Variants in LRP1 observed in about 807,000 individuals in gnomAD.
The protein encoded by LRP1 is prolow-density lipoprotein receptor-related protein 1.
LRP1 carries 51 observed loss-of-function variants against 541.5 expected under a neutral mutation model. That is an observed-to-expected ratio of 0.09 (90% CI 0.08 to 0.12). The LOEUF (loss-of-function observed/expected upper bound fraction) is 0.12, where lower values mean the gene tolerates loss of function less well. Among genes scored for constraint, LRP1 ranks in the 10% least tolerant of loss-of-function variants. The pLI is 1.00. For synonymous variants in LRP1, 2,219 were observed against 2,470.8 expected (o/e 0.90, Z 3.02); for missense variants, 3,878 against 6,376.2 (o/e 0.61, Z 13.34).
rs977182687 is a variant in LRP1, at chr12:57,160,793, C to G, written c.1980-100C>G. On this transcript the variant is annotated intron_variant, in intron 12 of 88. Transcript: ENST00000243077. ...CCAGTGATGAGCAGGACAGGAGACCCCTGTGAGGAGCTCTGGGACAGCACT... is the reference window on the plus strand; with the variant it reads ...CCAGTGATGAGCAGGACAGGAGACCGCTGTGAGGAGCTCTGGGACAGCACT... 3.7e-6 allele frequency: 3 copies of G among 817,146 alleles called. No homozygotes were observed. The African/African-American group carries it at 5.0e-5, about 14-fold the overall frequency. The allele number at this position is 817,146 out of a possible 1,614,324, so 50.6% of individuals were successfully genotyped here. A position where few individuals can be genotyped will look rare whatever the true frequency, so the allele number is the denominator to read the frequency against.
rs1592656592 is a variant in LRP1 at position 57,200,472 on chromosome 12, T to C, written c.10045T>C (p.Phe3349Leu). 1 of 1,419,066 alleles carries C rather than the reference T, an allele frequency of 7.0e-7. No individual in the cohort carries two copies. The highest frequency in any genetic ancestry group is 9.4e-7 in the Non-Finnish European group (1 of 1,063,696). 87.9% of individuals were successfully genotyped at this position (1,419,066 alleles called of 1,614,324 possible). A position where few individuals can be genotyped will look rare whatever the true frequency, so the allele number is the denominator to read the frequency against. Residue 3349 changes from phenylalanine (F) to leucine (L), a missense_variant, in exon 63 of 89, where the codon TTC becomes CTC. Phe to Leu is a conservative substitution (Grantham distance 22, BLOSUM62 0). This residue lies in a region of LRP1 where 278 missense variants were observed against 536.3 expected (regional missense o/e 0.52). Coordinates refer to ENST00000243077, the MANE Select transcript of LRP1 (RefSeq NM_002332.3). ...ATGCAAGAACGACAAGTGCATCCCCTTCTGGTGGAAGTGTGACACCGAGGA... is the reference window on the plus strand; with the variant it reads ...ATGCAAGAACGACAAGTGCATCCCCCTCTGGTGGAAGTGTGACACCGAGGA... ...FVCKNDKCIP[F>L]WWKCDTEDDC... is the part of the protein sequence containing the mutation.
chr12:57,201,462 A>G lies in LRP1; in HGVS notation c.10346-35A>G, dbSNP rs1166071531. The G allele has an allele frequency of 1.3e-6, 2 of 1,584,216 alleles. No homozygotes were observed. Among genetic ancestry groups the G allele is most frequent in the African/African-American group, 1.3e-5 (1 of 74,556 alleles). On this transcript the variant is annotated intron_variant, in intron 65 of 88. Transcript: ENST00000243077. This position sits in a 1 kb window ranked among gnomAD's most constrained non-coding sequence, Gnocchi z 6.4. ...GATGGTGAACTGGAGTGGCAGGTGT[A>G]AGGGAGGGCCCTCATTCTCTTGCCC...
In LRP1 at chr12:57,184,508, G is replaced by A. The variant is rs886386346; in HGVS notation, c.6186+56G>A. ...TGGTAGACCCCTGACCCAGGCTCCT[G>A]TTCCCTGTGATGAGCCCATTCTGGG... On this transcript the variant is annotated intron_variant, in intron 38 of 88. Transcript: ENST00000243077. This position sits in a 1 kb window ranked among gnomAD's most constrained non-coding sequence, Gnocchi z 7.8. The A allele has an allele frequency of 1.2e-5, 20 of 1,607,392 alleles. No individual in the cohort carries two copies. Among genetic ancestry groups the A allele is most frequent in the Non-Finnish European group, 1.7e-5 (20 of 1,177,148 alleles).
chr12:57,152,785 G>T (rs2035550187), intron 6 of LRP1, among the ~76,000 whole-genome samples: 1 of 152,192 alleles, frequency 6.6e-6, no homozygotes, highest in African/African-American at 2.4e-5. Flanking sequence ...ACCTGAAGAA[G>T]AAACTAGTTT....
In LRP1 at chr12:57,206,428, A is replaced by G. The variant is rs777451343; in HGVS notation, c.11591-45A>G. ...AAAGGAGCTGAGCTGGGTGGGGTGC[A>G]CACCTGCATCCCACAGCCCCAGCCC... On this transcript the variant is annotated intron_variant, in intron 75 of 88. Coordinates refer to ENST00000243077, the MANE Select transcript of LRP1 (RefSeq NM_002332.3). This position sits in a 1 kb window ranked among gnomAD's most constrained non-coding sequence, Gnocchi z 4.7. The G allele has an allele frequency of 6.2e-7, 1 of 1,601,026 alleles. No homozygotes were observed. Among genetic ancestry groups the G allele is most frequent in the Non-Finnish European group, 8.5e-7 (1 of 1,171,688 alleles).
chr12:57,206,499 G>A lies in LRP1; in HGVS notation c.11617G>A (p.Ala3873Thr). ...CTCTGAGTACCAGGTCCTGTACATCGCTGATGACAATGAGATCCGCAGCCT... is the reference window on the plus strand; with the variant it reads ...CTCTGAGTACCAGGTCCTGTACATCACTGATGACAATGAGATCCGCAGCCT... ...EGSEYQVLYI[A>T]DDNEIRSLFP... The change falls in exon 76 of 89, where the codon GCT becomes ACT. Residue 3873 changes from alanine (A) to threonine (T), a missense_variant. By Grantham distance (58) the Ala-to-Thr change is moderately conservative (BLOSUM62 0). This residue lies in a region of LRP1 where 871 missense variants were observed against 1,212.4 expected (regional missense o/e 0.72). Coordinates refer to ENST00000243077, the MANE Select transcript of LRP1 (RefSeq NM_002332.3). The surrounding 1 kb of genome is among the most constrained non-coding windows in gnomAD (Gnocchi z 4.7). 6.2e-7 allele frequency: 1 copy of A among 1,614,080 alleles called. No homozygotes were observed. Among genetic ancestry groups the A allele is most frequent in the Non-Finnish European group, 8.5e-7 (1 of 1,180,022 alleles).
At chr12:57,199,087 A>T in intron 60 of LRP1, 125 bp from the exon 61 acceptor site, 1 of 858,712 alleles carries the variant, frequency 1.2e-6, no homozygotes, top group Non-Finnish European at 1.9e-6. Context: ...TGTACCATGA[A>T]CCATCTGTAA....
Position 57,205,484 on chromosome 12 carries a change from A to G in LRP1, c.11469A>G (p.Gln3823=). The part of the protein sequence containing the change: ...FHTVPGQPGC[Q]DINECLRFGT... ...CCGTGCCCGGCCAGCCCGGATGCCA[A>G]GGTAGGAAAGCGGGGCAGAGCAGGG... The change falls in exon 74 of 89, where the codon CAA becomes CAG. Residue 3823 remains glutamine, a splice_region_variant and synonymous_variant. Coordinates refer to ENST00000243077, the MANE Select transcript of LRP1 (RefSeq NM_002332.3). The surrounding 1 kb of genome is among the most constrained non-coding windows in gnomAD (Gnocchi z 4.6). 1 of 1,610,766 alleles carries G rather than the reference A, an allele frequency of 6.2e-7. No individual in the cohort carries two copies. Among genetic ancestry groups the G allele is most frequent in the Non-Finnish European group, 8.5e-7 (1 of 1,177,820 alleles).
At position 57,202,906 on chromosome 12, in the gene LRP1, G is replaced by A. The variant is rs980667924; in HGVS notation, c.10712-275G>A. On this transcript the variant is annotated intron_variant, in intron 68 of 88. Transcript: ENST00000243077. The stretch of plus-strand genomic sequence containing the variant: ...TGCTTGTCTCAGTGGTCTTGCCCCC[G>A]CTCCCCTCCCCAAACACAGTCTGTT... 2.3e-5 allele frequency: 13 copies of A among 560,814 alleles called. No individual in the cohort carries two copies. In the East Asian group the frequency reaches 2.6e-4, roughly 11 times the overall value. 34.7% of individuals were successfully genotyped at this position (560,814 alleles called of 1,614,324 possible). A position where few individuals can be genotyped will look rare whatever the true frequency, so the allele number is the denominator to read the frequency against.
chr12:57,163,382 C>T (rs571406001), intron 15 of LRP1, among the ~76,000 whole-genome samples: 1 of 152,168 alleles, frequency 6.6e-6, no homozygotes, highest in South Asian at 2.1e-4. Flanking sequence ...AGTTTAAGAC[C>T]AGCCTGGTCA....
rs1053789875 is a variant in LRP1 at position 57,173,651 on chromosome 12, C to T, written c.3347-129C>T. 7 of 953,208 alleles carry T rather than the reference C, an allele frequency of 7.3e-6. No homozygotes were observed. Among genetic ancestry groups the T allele is most frequent in the South Asian group, 3.0e-5 (2 of 65,970 alleles). 59.0% of individuals were successfully genotyped at this position (953,208 alleles called of 1,614,324 possible). On this transcript the variant is annotated intron_variant, in intron 21 of 88. Transcript: ENST00000243077. This position sits in a 1 kb window ranked among gnomAD's most constrained non-coding sequence, Gnocchi z 4.7. ...TATGTGAATTTGACCCAAAAAGCCT[C>T]GGGGTTCCTCGTGGACCCCACAGCG... is the stretch of plus-strand genomic sequence containing the variant.
In LRP1 at chr12:57,145,245, C is replaced by T; in HGVS notation, c.596C>T (p.Pro199Leu). The T allele has an allele frequency of 1.2e-6, 2 of 1,614,166 alleles. No homozygotes were observed. The highest frequency in any genetic ancestry group is 1.7e-6 in the Non-Finnish European group (2 of 1,180,024). ...TTCCCAGAGCCAGTAGACCGGCCCC[C>T]TGTGCTGTTGATAGCCAACTCCCAG... ...KAKNEPVDRP[P>L]VLLIANSQNI... Residue 199 changes from proline (P) to leucine (L), a missense_variant, in exon 6 of 89, where the codon CCT becomes CTT. Coordinates refer to ENST00000243077, the MANE Select transcript of LRP1 (RefSeq NM_002332.3).
chr12:57,135,974 C>A (rs2035152847), intron 1 of LRP1, among the ~76,000 whole-genome samples: 1 of 152,062 alleles, frequency 6.6e-6, no homozygotes, highest in South Asian at 2.1e-4. Context: ...GGGCATGGAC[C>A]AAGTCCCAGG....
intron 18 of LRP1, 66 bp downstream of exon 18, chr12:57,167,112 T>C (rs564403295): frequency 5.8e-6 from 8 of 1,385,486 alleles, no homozygotes; most frequent in Admixed American, 3.5e-5. Context: ...AGCATGCCAG[T>C]TGGGGGTGCC....
chr12:57,176,645 A>T (rs750158080), intron 24 of LRP1, among the ~76,000 whole-genome samples: 2 of 152,238 alleles, frequency 1.3e-5, no homozygotes, highest in Non-Finnish European at 2.9e-5. Context: ...TACAAACTTG[A>T]ATTTGAAACC....
Position 57,183,815 on chromosome 12 carries a change from G to T in LRP1, c.5835G>T (p.Thr1945=). The T allele has an allele frequency of 6.2e-7, 1 of 1,614,158 alleles. No homozygotes were observed. Among genetic ancestry groups the T allele is most frequent in the East Asian group, 2.2e-5 (1 of 44,884 alleles). ...TIYWVDMGLS[T]ISRAKRDQTW... Reference sequence around the variant, plus strand: ...ACTGGGTGGACATGGGCCTGAGCACGATCAGCCGGGCCAAGCGGGACCAGA... The same window carrying T: ...ACTGGGTGGACATGGGCCTGAGCACTATCAGCCGGGCCAAGCGGGACCAGA... Residue 1945 remains threonine (T), a synonymous_variant, in exon 36 of 89, where the codon ACG becomes ACT. Transcript: ENST00000243077. The surrounding 1 kb of genome is among the most constrained non-coding windows in gnomAD (Gnocchi z 6.1).
chr12:57,208,861 C>G (rs186351317), intron 78 of LRP1, 44 bp downstream of exon 78: 6 of 1,497,006 alleles, frequency 4.0e-6, no homozygotes, highest in Admixed American at 3.4e-5. Flanking sequence ...GGAGGGGGCC[C>G]GGCTCGCAGA....
At chr12:57,144,887 G>A in intron 4 of LRP1, 85 bp from the exon 5 acceptor site, 2 of 1,346,384 alleles carry the variant, frequency 1.5e-6, no homozygotes, top group South Asian at 1.2e-5. Context: ...TGTAAGGATG[G>A]ACATGTTGAT....
intron 62 of LRP1, 119 bp downstream of exon 62, chr12:57,200,144 A>G: frequency 2.4e-6 from 2 of 843,750 alleles, no homozygotes; most frequent in South Asian, 1.8e-5. Flanking sequence ...CCACACTAAC[A>G]CCCCCACATT....
Sources: gnomAD v4.1 joint callset for allele counts (sites outside exome capture counted in the v4.1 genomes callset) on GRCh38, gnomAD v4.1.1 for gene constraint, gnomAD v4.1.1 regional missense constraint, Gnocchi (gnomAD v3.1) non-coding constraint, MANE v1.5 for transcripts, NCBI Gene and HGNC (gene_info 2026-07-23, HGNC 2026-07-21) for gene names.